Variants in VWA8 observed in about 807,000 individuals in gnomAD.
VWA8 encodes von Willebrand factor A domain-containing protein 8.
VWA8 carries 221 observed loss-of-function variants against 241.5 expected under a neutral mutation model. The ratio of observed to expected loss-of-function variants is 0.91; its 90% CI spans 0.82 to 1.02. VWA8 has a LOEUF of 1.02. Among genes scored for constraint, VWA8 ranks in the 50% least tolerant of loss-of-function variants. VWA8 has a pLI of 0.00. For missense variants in VWA8, 2,322 were observed against 2,328.7 expected (o/e 1.00, Z 0.06); for synonymous variants, 852 against 827.1 (o/e 1.03, Z -0.52).
chr13:41,730,684 G>C (rs2045475580), intron 22 of VWA8, among the ~76,000 whole-genome samples: 1 of 151,878 alleles, frequency 6.6e-6, no homozygotes, highest in East Asian at 1.9e-4. Context: ...ATTTTTGAGG[G>C]GTGGATAAAA....
intron 24 of VWA8, among the ~76,000 whole-genome samples, chr13:41,721,880 A>G (rs1178210253): frequency 6.6e-6 from 1 of 152,162 alleles, no homozygotes; most frequent in Non-Finnish European, 1.5e-5. Flanking sequence ...GTCTATGCCA[A>G]TGCCACTCCC....
chr13:41,685,473 T>C (rs377159129), intron 34 of VWA8, among the ~76,000 whole-genome samples: 1 of 152,080 alleles, frequency 6.6e-6, no homozygotes, highest in African/African-American at 2.4e-5. Context: ...CTGGGCAACA[T>C]AGTGAAACCC....
intron 37 of VWA8, among the ~76,000 whole-genome samples, chr13:41,659,281 A>G (rs984566885): frequency 6.6e-6 from 1 of 152,190 alleles, no homozygotes; most frequent in African/African-American, 2.4e-5. Flanking sequence ...GCTTCAGTAC[A>G]AAGAAAGTTA....
At chr13:41,670,148 A>C (rs899131760) in intron 37 of VWA8, among the ~76,000 whole-genome samples, 1 of 152,110 alleles carries the variant, frequency 6.6e-6, no homozygotes, top group African/African-American at 2.4e-5. Flanking sequence ...TCTTTGCAGA[A>C]CAACCTGGCT....
intron 12 of VWA8, among the ~76,000 whole-genome samples, chr13:41,853,645 G>A (rs1872614692): frequency 6.6e-6 from 1 of 151,938 alleles, no homozygotes; most frequent in Non-Finnish European, 1.5e-5. Context: ...TTTCTTTTAA[G>A]TTATTCAGTT....
intron 13 of VWA8, 111 bp from the exon 14 acceptor site, chr13:41,830,753 A>C: frequency 1.1e-6 from 1 of 883,640 alleles, no homozygotes; most frequent in South Asian, 1.8e-5. Context: ...AATTGAGTCT[A>C]ATAATTTTGT....
chr13:41,879,382 T>TACACACACACACAC (rs3073827), intron 9 of VWA8, among the ~76,000 whole-genome samples: 2 of 140,806 alleles, frequency 1.4e-5, no homozygotes, highest in Non-Finnish European at 3.1e-5. Context: ...CATACACACA[T>TACACACACACACAC]ACACACACAC....
chr13:41,926,670 A>T, intron 2 of VWA8: 1 of 542,292 alleles, frequency 1.8e-6, no homozygotes, highest in Non-Finnish European at 3.8e-6. Flanking sequence ...ATGGTAAAGC[A>T]TATTACAGGC....
intron 37 of VWA8, among the ~76,000 whole-genome samples, chr13:41,663,246 G>A (rs994424078): frequency 6.6e-6 from 1 of 152,046 alleles, no homozygotes; most frequent in Non-Finnish European, 1.5e-5. Context: ...ACTGTTTTAA[G>A]TTTCAAGGAT....
chr13:41,949,842 T>G, intron 2 of VWA8, 94 bp downstream of exon 2: 1 of 695,954 alleles, frequency 1.4e-6, no homozygotes, highest in Non-Finnish European at 2.3e-6. Flanking sequence ...AATCATTAGG[T>G]TTATACTATT....
intron 1 of VWA8, among the ~76,000 whole-genome samples, chr13:41,957,127 G>A (rs140656985): frequency 5.8e-4 from 89 of 152,162 alleles, no homozygotes; most frequent in African/African-American, 2.0e-3. Context: ...GCCTGTGTCC[G>A]ACCCAAATCT....
At chr13:41,740,581 T>C (rs1193663147) in intron 21 of VWA8, among the ~76,000 whole-genome samples, 1 of 152,208 alleles carries the variant, frequency 6.6e-6, no homozygotes, top group Non-Finnish European at 1.5e-5. Flanking sequence ...CAATCGGTTT[T>C]TTTACTTTAT....
intron 12 of VWA8, among the ~76,000 whole-genome samples, chr13:41,838,082 A>G (rs1871822643): frequency 6.6e-6 from 1 of 152,200 alleles, no homozygotes; most frequent in Non-Finnish European, 1.5e-5. Flanking sequence ...TCTACTGAAA[A>G]TAAAAACATC....
intron 17 of VWA8, among the ~76,000 whole-genome samples, chr13:41,792,170 C>A (rs1438545018): frequency 6.6e-6 from 1 of 151,752 alleles, no homozygotes; most frequent in Admixed American, 6.6e-5. Flanking sequence ...TCATTCTTTG[C>A]CCATTTGGAG....
At chr13:41,822,607 T>C (rs1385168917) in intron 14 of VWA8, among the ~76,000 whole-genome samples, 2 of 152,126 alleles carry the variant, frequency 1.3e-5, no homozygotes, top group Non-Finnish European at 2.9e-5. Context: ...CAAAGGTAAG[T>C]AATAAGAACT....
chr13:41,728,807 C>T (rs9562345), intron 23 of VWA8, among the ~76,000 whole-genome samples: 43,586 of 151,796 alleles, frequency 0.29, 6,871 homozygotes, highest in Non-Finnish European at 0.35. Flanking sequence ...TAATGGGGTT[C>T]TCCTTACATA....
intron 26 of VWA8, among the ~76,000 whole-genome samples, chr13:41,704,329 T>C (rs1414168980): frequency 6.6e-6 from 1 of 152,232 alleles, no homozygotes; most frequent in Non-Finnish European, 1.5e-5. Flanking sequence ...GGGAGCTAAA[T>C]GCTGATTTCT....
chr13:41,837,082 G>T (rs200452529), intron 12 of VWA8, among the ~76,000 whole-genome samples: 2 of 122,966 alleles, frequency 1.6e-5, no homozygotes, highest in South Asian at 2.7e-4. Context: ...GATAGATAGA[G>T]ATTTTTAAAA....
At position 41,581,291 on chromosome 13, in the gene VWA8, C is replaced by T. The variant is rs900460391; in HGVS notation, c.5272-5453G>A. Among the ~76,000 whole-genome samples the T allele has an allele frequency of 5.2e-5, 4 of 76,442 alleles. 1 individual carries two copies. Among genetic ancestry groups the T allele is most frequent in the Admixed American group, 4.2e-4 (3 of 7,062 alleles). The allele number at this position is 76,442 out of a possible 152,430, so 50.1% of individuals were successfully genotyped here. On this transcript the variant is annotated intron_variant, in intron 42 of 44. Transcript: ENST00000379310. ...TGCTGGGATTACAGGCGTGAGCCAC[C>T]GCGCCCGGCCGAGAGTGAGTCATCT...
Sources: gnomAD v4.1 joint callset for allele counts (sites outside exome capture counted in the v4.1 genomes callset) on GRCh38, gnomAD v4.1.1 for gene constraint, MANE v1.5 for transcripts, NCBI Gene and HGNC (gene_info 2026-07-23, HGNC 2026-07-21) for gene names.